DACH2: variants seen among roughly 807,000 people sequenced by gnomAD.
DACH2 encodes the protein dachshund family transcription factor 2, also known as dachshund homolog 2.
DACH2 carries 17 observed loss-of-function variants against 35.8 expected under a neutral mutation model. The observed-to-expected ratio is 0.48, with a 90% confidence interval of 0.33 to 0.71. The LOEUF (loss-of-function observed/expected upper bound fraction) is 0.71. DACH2 is among the 30% of genes least tolerant of loss of function. DACH2 has a pLI of 0.02. For missense variants in DACH2, 469 were observed against 472.7 expected (o/e 0.99, Z 0.07); for synonymous variants, 195 against 177.3 (o/e 1.10, Z -0.79).
chrX:86,643,082 C>G (rs2040366733), intron 3 of DACH2, among the ~76,000 whole-genome samples: 1 of 105,744 alleles, frequency 9.5e-6, no homozygotes, highest in African/African-American at 3.5e-5. Context: ...CCAAAACTAG[C>G]AAAAGATGAG....
At chrX:86,312,277 G>C (rs1319397410) in intron 1 of DACH2, among the ~76,000 whole-genome samples, 2 of 111,794 alleles carry the variant, frequency 1.8e-5, no homozygotes, top group Non-Finnish European at 3.8e-5. Flanking sequence ...CTCCATATCA[G>C]CATTTAAGTA....
intron 1 of DACH2, among the ~76,000 whole-genome samples, chrX:86,228,583 G>C (rs1405501651): frequency 9.0e-6 from 1 of 111,331 alleles, no homozygotes; most frequent in Non-Finnish European, 1.9e-5. Context: ...CTCACCAGCA[G>C]TGTAGAAGTG....
At position 86,813,175 on chromosome X, in the gene DACH2, C is replaced by G; in HGVS notation, c.1435C>G (p.Gln479Glu). 1 of 1,206,971 alleles carries G rather than the reference C, an allele frequency of 8.3e-7. No individual in the cohort carries two copies. Among genetic ancestry groups the G allele is most frequent in the Non-Finnish European group, 1.1e-6 (1 of 893,456 alleles). The part of the protein sequence containing the change: ...ALDNARIQEK[Q>E]IQQEKKELRL... ...GGATAATGCTCGCATCCAGGAGAAG[C>G]AGATTCAACAAGAAAAGAAGGAGCT... The change falls in exon 9 of 12, where the codon CAG (glutamine) becomes GAG (glutamate). Residue 479 changes from glutamine to glutamate, a missense_variant. Gln to Glu is a conservative substitution (Grantham distance 29, BLOSUM62 2). This residue lies in a region of DACH2 where 363 missense variants were observed against 334.4 expected (regional missense o/e 1.09). Transcript: ENST00000373125.
chrX:86,648,883 G>A (rs897227471), intron 3 of DACH2, among the ~76,000 whole-genome samples: 7 of 110,701 alleles, frequency 6.3e-5, no homozygotes, highest in African/African-American at 2.3e-4. Flanking sequence ...AAAGTGTAAG[G>A]AGCTATATAA....
At chrX:86,505,277 T>A (rs1336837829) in intron 2 of DACH2, among the ~76,000 whole-genome samples, 1 of 112,225 alleles carries the variant, frequency 8.9e-6, no homozygotes, top group African/African-American at 3.2e-5. Context: ...CTTTTAAAAA[T>A]CTGTGGTAAA....
intron 4 of DACH2, among the ~76,000 whole-genome samples, chrX:86,663,449 G>A (rs1275320835): frequency 9.0e-6 from 1 of 111,364 alleles, no homozygotes; most frequent in African/African-American, 3.3e-5. Context: ...AGCTACCCAG[G>A]GTATTATATT....
intron 1 of DACH2, among the ~76,000 whole-genome samples, chrX:86,214,818 G>A (rs2032531763): frequency 8.9e-6 from 1 of 111,803 alleles, no homozygotes; most frequent in Non-Finnish European, 1.9e-5. Flanking sequence ...GCTGTTTAAA[G>A]TAGAAGAAAA....
intron 3 of DACH2, among the ~76,000 whole-genome samples, chrX:86,549,560 A>T (rs1375431122): frequency 1.8e-5 from 2 of 110,184 alleles, no homozygotes; most frequent in Non-Finnish European, 3.8e-5. Flanking sequence ...AGTTACGAAT[A>T]CTATTTATAT....
intron 1 of DACH2, among the ~76,000 whole-genome samples, chrX:86,367,208 G>A (rs1407223124): frequency 3.2e-5 from 2 of 62,788 alleles, no homozygotes; most frequent in African/African-American, 9.9e-5. Context: ...TTGTAAAAGA[G>A]ATGCATAAAT....
chrX:86,292,650 A>C (rs1569333969), intron 1 of DACH2, among the ~76,000 whole-genome samples: 1 of 110,818 alleles, frequency 9.0e-6, no homozygotes, highest in African/African-American at 3.3e-5. Context: ...GGTTTCAAAG[A>C]ACATCTTTAT....
chrX:86,660,195 A>G (rs2040590761), intron 4 of DACH2, among the ~76,000 whole-genome samples: 2 of 111,538 alleles, frequency 1.8e-5, no homozygotes, highest in Non-Finnish European at 3.8e-5. Flanking sequence ...CAATATATTG[A>G]TGAGCCAATT....
chrX:86,486,548 A>C (rs1377118238), intron 2 of DACH2, among the ~76,000 whole-genome samples: 1 of 111,109 alleles, frequency 9.0e-6, no homozygotes. Context: ...ATGGCCATGC[A>C]CAATTCTCCT....
At chrX:86,511,067 CAT>C (rs757862549) in intron 2 of DACH2, among the ~76,000 whole-genome samples, 77 of 111,756 alleles carry the variant, frequency 6.9e-4, no homozygotes, top group African/African-American at 2.4e-3. Context: ...TAAACCACCA[CAT>C]GTTTATTTGC....
At chrX:86,759,310 A>T (rs749052719) in intron 7 of DACH2, among the ~76,000 whole-genome samples, 207 of 111,867 alleles carry the variant, frequency 1.9e-3, no homozygotes, top group African/African-American at 6.6e-3. Flanking sequence ...GGTTGCATAT[A>T]TGCTTAGAAT....
At chrX:86,513,719 C>CA (rs1283771156) in intron 2 of DACH2, among the ~76,000 whole-genome samples, 2 of 112,015 alleles carry the variant, frequency 1.8e-5, no homozygotes, top group Admixed American at 1.9e-4. Flanking sequence ...GCTTGTTATA[C>CA]AGCTTGGTTT....
intron 1 of DACH2, among the ~76,000 whole-genome samples, chrX:86,326,481 TTA>T (rs1491183137): frequency 0.032 from 3,174 of 97,676 alleles, 54 homozygotes; most frequent in African/African-American, 0.069. Context: ...AGTTAAAAAA[TTA>T]TACATACACA....
intron 7 of DACH2, among the ~76,000 whole-genome samples, chrX:86,784,670 CAT>C (rs1336034556): frequency 5.4e-5 from 6 of 111,850 alleles, no homozygotes; most frequent in African/African-American, 1.9e-4. Context: ...CATAAAGACA[CAT>C]GAGTGCATAT....
intron 2 of DACH2, among the ~76,000 whole-genome samples, chrX:86,449,382 G>T (rs1288541933): frequency 9.4e-6 from 1 of 106,842 alleles, no homozygotes; most frequent in African/African-American, 3.4e-5. Context: ...TCTTTTAATT[G>T]TGATGTTAGG....
chrX:86,182,066 T>A (rs1235071172), intron 1 of DACH2, among the ~76,000 whole-genome samples: 2 of 112,213 alleles, frequency 1.8e-5, no homozygotes, highest in Non-Finnish European at 3.8e-5. Flanking sequence ...TTTAAGTTCC[T>A]TGTAGATTCT....
Sources: gnomAD v4.1 joint callset for allele counts (sites outside exome capture counted in the v4.1 genomes callset) on GRCh38, gnomAD v4.1.1 for gene constraint, gnomAD v4.1.1 regional missense constraint, MANE v1.5 for transcripts, NCBI Gene and HGNC (gene_info 2026-07-23, HGNC 2026-07-21) for gene names.